ERBB4: variants seen among roughly 807,000 people sequenced by gnomAD.
ERBB4 encodes the protein erb-b2 receptor tyrosine kinase 4, also known as receptor tyrosine-protein kinase erbB-4.
ERBB4 carries 42 observed loss-of-function variants against 158.0 expected under a neutral mutation model. The ratio of observed to expected loss-of-function variants is 0.27; its 90% CI spans 0.21 to 0.34. ERBB4 has a LOEUF of 0.34. ERBB4 is among the 10% of genes least tolerant of loss of function. The pLI, the probability that ERBB4 is intolerant of heterozygous loss-of-function variation, is 1.00. For missense variants in ERBB4, 1,333 were observed against 1,624.1 expected (o/e 0.82, Z 3.08); for synonymous variants, 583 against 558.7 (o/e 1.04, Z -0.61).
intron 1 of ERBB4, among the ~76,000 whole-genome samples, chr2:212,278,267 T>A (rs1430228748): frequency 1.3e-5 from 2 of 151,782 alleles, no homozygotes; most frequent in Non-Finnish European, 2.9e-5. Flanking sequence ...AAGTGACATT[T>A]TACTTCTGTT....
At chr2:211,869,574 C>A (rs1023427145) in intron 3 of ERBB4, among the ~76,000 whole-genome samples, 3 of 151,870 alleles carry the variant, frequency 2.0e-5, no homozygotes, top group African/African-American at 7.3e-5. Flanking sequence ...TTTTAGTAAC[C>A]CCGGTACCTA....
At chr2:212,056,851 T>C (rs1228937632) in intron 2 of ERBB4, among the ~76,000 whole-genome samples, 3 of 152,112 alleles carry the variant, frequency 2.0e-5, no homozygotes, top group East Asian at 1.9e-4. Flanking sequence ...CCATAAATGC[T>C]AGGAAGAAAT....
intron 2 of ERBB4, among the ~76,000 whole-genome samples, chr2:211,998,529 C>CAAAAAAAAAAAAAAAAAA (rs36008694): frequency 8.6e-6 from 1 of 116,316 alleles, no homozygotes; most frequent in Non-Finnish European, 1.8e-5. Flanking sequence ...CTCATACTGC[C>CAAAAAAAAAAAAAAAAAA]AAAAAAAAAA....
At chr2:212,054,851 G>A (rs573705365) in intron 2 of ERBB4, among the ~76,000 whole-genome samples, 18 of 152,270 alleles carry the variant, frequency 1.2e-4, no homozygotes, top group South Asian at 6.2e-4. Flanking sequence ...GGAACAGCTT[G>A]AGTCTACAGC....
chr2:212,131,290 C>A (rs2080100120), intron 1 of ERBB4, among the ~76,000 whole-genome samples: 1 of 152,088 alleles, frequency 6.6e-6, no homozygotes, highest in South Asian at 2.1e-4. Flanking sequence ...AATTCGCAAC[C>A]CAGAGAACAG....
intron 20 of ERBB4, among the ~76,000 whole-genome samples, chr2:211,528,701 G>T (rs1391126513): frequency 6.6e-6 from 1 of 151,914 alleles, no homozygotes; most frequent in Admixed American, 6.6e-5. Context: ...AATAATGAGA[G>T]AAATTTTTGA....
At chr2:212,215,733 C>A (rs1352891522) in intron 1 of ERBB4, among the ~76,000 whole-genome samples, 1 of 151,354 alleles carries the variant, frequency 6.6e-6, no homozygotes, top group Non-Finnish European at 1.5e-5. Context: ...TCCCTATTAG[C>A]AATTTGATGC....
chr2:211,386,984 G>A lies in ERBB4; in HGVS notation c.3350C>T (p.Pro1117Leu), dbSNP rs771882543. Residue 1117 changes from proline (P) to leucine (L), a missense_variant, in exon 27 of 28, where the codon CCC (proline) becomes CTC (leucine). Pro to Leu is a moderately conservative substitution (Grantham distance 98). This residue lies in a region of ERBB4 where 252 missense variants were observed against 241.3 expected (regional missense o/e 1.04). Transcript: ENST00000342788. ...GGTGCTACTGTCCTCTTGGACATGG[G>A]GTGCCACTGGCTTGCGTAGGGTGCC... ...CNGTLRKPVA[P>L]HVQEDSSTQR... is the part of the protein sequence containing the mutation. 6.2e-7 allele frequency: 1 copy of A among 1,614,058 alleles called. No individual in the cohort carries two copies. Among genetic ancestry groups the A allele is most frequent in the Non-Finnish European group, 8.5e-7 (1 of 1,180,010 alleles).
rs111808022 is a variant in ERBB4 at position 211,581,409 on chromosome 2, C to A, written c.2302-19321G>T. Among the ~76,000 whole-genome samples, 95 of 152,236 alleles carry A rather than the reference C, an allele frequency of 6.2e-4. 2 individuals carry two copies. The highest frequency in any genetic ancestry group is 2.3e-3 in the African/African-American group (94 of 41,546). ...GAAATAGTCAAGCAAAACACACCTA[C>A]AGAAAGATAATTATCACAAAATATA... On this transcript the variant is annotated intron_variant, in intron 19 of 27. Transcript: ENST00000342788.
intron 1 of ERBB4, among the ~76,000 whole-genome samples, chr2:212,261,509 A>T (rs116197093): frequency 0.034 from 5,105 of 152,292 alleles, 90 homozygotes; most frequent in Non-Finnish European, 0.042. Context: ...ACAAATCCCA[A>T]AATAGAACCC....
chr2:211,698,244 A>G (rs1035246926), intron 12 of ERBB4, among the ~76,000 whole-genome samples: 1 of 150,360 alleles, frequency 6.7e-6, no homozygotes, highest in African/African-American at 2.4e-5. Flanking sequence ...CCAGGGAGGC[A>G]GAGGTTGTCG....
intron 1 of ERBB4, chr2:212,426,378 C>T (rs776088032): frequency 1.2e-5 from 5 of 425,136 alleles, no homozygotes; most frequent in African/African-American, 6.7e-5. Context: ...GGTGGTTATA[C>T]AAATTAGATC....
At chr2:211,908,948 T>G (rs2079469191) in intron 3 of ERBB4, among the ~76,000 whole-genome samples, 1 of 151,574 alleles carries the variant, frequency 6.6e-6, no homozygotes, top group East Asian at 2.0e-4. Flanking sequence ...ATAAAAAAAT[T>G]TAAAAATTAT....
intron 1 of ERBB4, among the ~76,000 whole-genome samples, chr2:212,465,211 TGA>T (rs1458916014): frequency 6.6e-6 from 1 of 152,138 alleles, no homozygotes; most frequent in Admixed American, 6.5e-5. Context: ...TTGAACAAAA[TGA>T]CCTCCTAGGT....
intron 22 of ERBB4, among the ~76,000 whole-genome samples, chr2:211,428,047 G>A (rs1197459873): frequency 6.6e-6 from 1 of 151,818 alleles, no homozygotes; most frequent in Non-Finnish European, 1.5e-5. Context: ...ACACATCGGG[G>A]CCTGTCGGTG....
intron 1 of ERBB4, among the ~76,000 whole-genome samples, chr2:212,370,454 T>C (rs537802158): frequency 6.6e-6 from 1 of 152,180 alleles, no homozygotes; most frequent in African/African-American, 2.4e-5. Context: ...TTACAATAAC[T>C]GCCTCTGGTA....
chr2:212,208,966 T>A (rs1456118551), intron 1 of ERBB4, among the ~76,000 whole-genome samples: 1 of 152,170 alleles, frequency 6.6e-6, no homozygotes, highest in Non-Finnish European at 1.5e-5. Flanking sequence ...AAAAATGCTC[T>A]CCCGATTTAT....
chr2:212,510,161 T>C (rs983165245), intron 1 of ERBB4, among the ~76,000 whole-genome samples: 1 of 146,432 alleles, frequency 6.8e-6, no homozygotes, highest in South Asian at 2.1e-4. Context: ...TATAAATATA[T>C]ATATATATAA....
intron 1 of ERBB4, among the ~76,000 whole-genome samples, chr2:212,311,082 A>C (rs1034745515): frequency 6.6e-6 from 1 of 150,766 alleles, no homozygotes; most frequent in African/African-American, 2.4e-5. Flanking sequence ...CTTCCTTGAG[A>C]CTAGGACTTT....
Sources: allele counts gnomAD v4.1 joint callset (sites outside exome capture counted in the v4.1 genomes callset), GRCh38; gene constraint gnomAD v4.1.1; regional missense constraint gnomAD v4.1.1; transcripts MANE v1.5; gene names NCBI Gene and HGNC (gene_info 2026-07-23, HGNC 2026-07-21).